BIRC6: variants seen among roughly 807,000 people sequenced by gnomAD.
BIRC6 encodes the protein dual E2 ubiquitin-conjugating enzyme/E3 ubiquitin-protein ligase BIRC6.
In BIRC6, 98 loss-of-function variants were observed where a neutral mutation model predicts 503.3. That is an observed-to-expected ratio of 0.19 (90% CI 0.17 to 0.23). The LOEUF (loss-of-function observed/expected upper bound fraction) is 0.23. Ranked by LOEUF, BIRC6 falls within the 10% of genes least tolerant of loss-of-function variation. The pLI is 1.00. For synonymous variants in BIRC6, 2,240 were observed against 2,078.7 expected, an observed-to-expected ratio of 1.08 and a Z score of -2.11; for missense variants, 5,360 against 5,806.0, an observed-to-expected ratio of 0.92 and a Z score of 2.50.
At chr2:32,571,089 G>A (rs1455680446) in intron 65 of BIRC6, among the ~76,000 whole-genome samples, 1 of 152,062 alleles carries the variant, frequency 6.6e-6, no homozygotes, top group Non-Finnish European at 1.5e-5. Context: ...GGGATTACAG[G>A]TGTGAACCAC....
intron 1 of BIRC6, among the ~76,000 whole-genome samples, chr2:32,376,484 A>G (rs916316897): frequency 6.6e-6 from 1 of 152,244 alleles, no homozygotes; most frequent in Non-Finnish European, 1.5e-5. Context: ...TTTTAACTTT[A>G]TAGTAGATTT....
chr2:32,589,595 C>T (rs2061278202), intron 66 of BIRC6, among the ~76,000 whole-genome samples: 1 of 152,176 alleles, frequency 6.6e-6, no homozygotes, highest in South Asian at 2.1e-4. Flanking sequence ...AGCCAGATAG[C>T]ATTTGTTATA....
chr2:32,449,041 CT>C, intron 22 of BIRC6, 113 bp downstream of exon 22: 2 of 959,128 alleles, frequency 2.1e-6, no homozygotes, highest in Non-Finnish European at 3.0e-6. Flanking sequence ...ACTAAAATTC[CT>C]TAGAACTTAT....
At chr2:32,581,264 A>C (rs978601108) in intron 66 of BIRC6, among the ~76,000 whole-genome samples, 2 of 152,194 alleles carry the variant, frequency 1.3e-5, no homozygotes, top group Admixed American at 6.5e-5. Flanking sequence ...ACACTTATAC[A>C]ACATTAAATT....
chr2:32,416,362 TAAGTTA>T (rs1207452166), intron 10 of BIRC6, among the ~76,000 whole-genome samples, 199 bp downstream of exon 10: 1 of 152,098 alleles, frequency 6.6e-6, no homozygotes, highest in Non-Finnish European at 1.5e-5. Flanking sequence ...TAACTGTAAA[TAAGTTA>T]GTAAGTCACT....
At chr2:32,487,580 A>G in intron 40 of BIRC6, 67 bp from the exon 41 acceptor site, 1 of 1,406,802 alleles carries the variant, frequency 7.1e-7, no homozygotes. Flanking sequence ...ATTTATACAT[A>G]TGAATAACCA....
At position 32,574,982 on chromosome 2, in the gene BIRC6, G is replaced by A. The variant is rs191961463; in HGVS notation, c.13145-174G>A. On this transcript the variant is annotated intron_variant, in intron 65 of 73. Coordinates refer to ENST00000421745, the MANE Select transcript of BIRC6 (RefSeq NM_016252.4). ...AGGCTGGTCTCGAACTCCCGACCTCGGGTGATCTGCCTGCCTCGGCCTCAC... is the reference window on the plus strand; with the variant it reads ...AGGCTGGTCTCGAACTCCCGACCTCAGGTGATCTGCCTGCCTCGGCCTCAC... Among the ~76,000 whole-genome samples the A allele has an allele frequency of 8.7e-3, 1,325 of 152,282 alleles. 9 individuals carry two copies. Among genetic ancestry groups the A allele is most frequent in the Middle Eastern group, 0.02 (6 of 294 alleles).
intron 15 of BIRC6, among the ~76,000 whole-genome samples, chr2:32,438,596 G>T (rs1269839510): frequency 2.4e-5 from 3 of 123,196 alleles, no homozygotes; most frequent in Non-Finnish European, 3.2e-5. Flanking sequence ...GTCTTGCTCT[G>T]TCGCCCAGGC....
At chr2:32,564,607 A>T (rs1445770455) in intron 65 of BIRC6, 1 of 152,372 alleles carries the variant, frequency 6.6e-6, no homozygotes, top group Admixed American at 6.5e-5. Flanking sequence ...TATGTTAAGC[A>T]TATTTTCATG....
At chr2:32,386,444 CTTT>C (rs1459083369) in intron 3 of BIRC6, among the ~76,000 whole-genome samples, 1 of 145,964 alleles carries the variant, frequency 6.9e-6, no homozygotes, top group East Asian at 2.0e-4. Context: ...GTCTCTCTCT[CTTT>C]TTTTTTTTTT....
chr2:32,485,759 T>C lies in BIRC6; in HGVS notation c.7813T>C (p.Leu2605=). Residue 2605 remains leucine, a splice_region_variant and synonymous_variant, in exon 40 of 74, where the codon TTA becomes CTA. Transcript: ENST00000421745. ...GGCATTAACAAATACATCTCCTACA[T>C]GTAAGTAAAATGACCATTTTTAGAG... ...LQALTNTSPT[L]SQSPTGTDDS... is the part of the protein sequence containing the mutation. 1 of 1,577,908 alleles carries C rather than the reference T, an allele frequency of 6.3e-7. No homozygotes were observed. The highest frequency in any genetic ancestry group is 8.7e-7 in the Non-Finnish European group (1 of 1,147,678).
chr2:32,568,711 G>A (rs1313347864), intron 65 of BIRC6, among the ~76,000 whole-genome samples: 1 of 151,694 alleles, frequency 6.6e-6, no homozygotes, highest in Non-Finnish European at 1.5e-5. Flanking sequence ...CGGCATGGTG[G>A]CATGCACCTG....
intron 4 of BIRC6, among the ~76,000 whole-genome samples, chr2:32,389,742 G>A (rs889077187): frequency 4.6e-5 from 7 of 152,182 alleles, no homozygotes; most frequent in Non-Finnish European, 5.9e-5. Flanking sequence ...TGTCGCCTAG[G>A]CTGGAGTGTA....
chr2:32,571,897 A>C, intron 65 of BIRC6, among the ~76,000 whole-genome samples: 1 of 152,046 alleles, frequency 6.6e-6, no homozygotes, highest in East Asian at 1.9e-4. Flanking sequence ...TGCATTTGCT[A>C]TATCCCACAG....
At chr2:32,545,524 A>C (rs1431798468) in intron 62 of BIRC6, 119 bp from the exon 63 acceptor site, 4 of 827,388 alleles carry the variant, frequency 4.8e-6, no homozygotes, top group Non-Finnish European at 7.9e-6. Flanking sequence ...TGGTTTTCTA[A>C]ATAATTTAGT....
At position 32,448,700 on chromosome 2, in the gene BIRC6, C is replaced by T. The variant is rs190843860; in HGVS notation, c.4485-95C>T. 531 of 1,100,388 alleles carry T rather than the reference C, an allele frequency of 4.8e-4. 2 individuals are homozygous for T. In the African/African-American group the frequency reaches 6.8e-3, roughly 14 times the overall value. 68.2% of individuals were successfully genotyped at this position (1,100,388 alleles called of 1,614,324 possible). On this transcript the variant is annotated intron_variant, in intron 21 of 73. Coordinates refer to ENST00000421745, the MANE Select transcript of BIRC6 (RefSeq NM_016252.4). ...GAGAGGGGAGAGGGAGAGCCCTCTGCGCTGTTAGTCAGACTGCTTTTAAAA... is the reference window on the plus strand; with the variant it reads ...GAGAGGGGAGAGGGAGAGCCCTCTGTGCTGTTAGTCAGACTGCTTTTAAAA...
intron 22 of BIRC6, among the ~76,000 whole-genome samples, chr2:32,451,435 C>T (rs367783295): frequency 2.6e-5 from 4 of 152,080 alleles, no homozygotes; most frequent in African/African-American, 4.8e-5. Context: ...TTTTTGATTT[C>T]GTTGACATTT....
intron 60 of BIRC6, among the ~76,000 whole-genome samples, chr2:32,530,118 A>G: frequency 6.6e-6 from 1 of 152,196 alleles, no homozygotes; most frequent in East Asian, 1.9e-4. Flanking sequence ...TCAACTTACA[A>G]CTTTGTTATA....
intron 11 of BIRC6, among the ~76,000 whole-genome samples, chr2:32,429,571 A>C (rs916163855): frequency 2.1e-4 from 13 of 60,678 alleles, no homozygotes; most frequent in Non-Finnish European, 3.2e-5. Context: ...TAATATTACT[A>C]CTGGAATTGA....
Sources: allele counts gnomAD v4.1 joint callset (sites outside exome capture counted in the v4.1 genomes callset), GRCh38; gene constraint gnomAD v4.1.1; transcripts MANE v1.5; gene names NCBI Gene and HGNC (gene_info 2026-07-23, HGNC 2026-07-21).